ANGPT1: variants seen among roughly 807,000 people sequenced by gnomAD.
ANGPT1 encodes the protein angiopoietin-1.
Under a neutral mutation model 62.2 loss-of-function variants are expected in ANGPT1, and 17 were observed. The ratio of observed to expected loss-of-function variants is 0.27; its 90% CI spans 0.19 to 0.41. ANGPT1 has a LOEUF of 0.41. Among genes scored for constraint, ANGPT1 ranks in the 10% least tolerant of loss-of-function variants. The pLI, the probability that ANGPT1 is intolerant of heterozygous loss-of-function variation, is 1.00. For synonymous variants in ANGPT1, 199 were observed against 198.9 expected (o/e 1.00, Z 0.00); for missense variants, 478 against 594.9 (o/e 0.80, Z 2.04).
intron 1 of ANGPT1, among the ~76,000 whole-genome samples, chr8:107,493,299 A>G (rs1813012809): frequency 6.6e-6 from 1 of 150,582 alleles, no homozygotes; most frequent in African/African-American, 2.4e-5. Context: ...CAGCATTAAC[A>G]TGATACAGTC....
intron 4 of ANGPT1, among the ~76,000 whole-genome samples, chr8:107,312,874 G>A (rs909514388): frequency 1.3e-5 from 2 of 151,990 alleles, no homozygotes; most frequent in Admixed American, 1.3e-4. Flanking sequence ...CTGCCCTCTC[G>A]ATGGTATACA....
chr8:107,264,403 A>G (rs1813567360), intron 7 of ANGPT1, 52 bp from the exon 8 acceptor site: 1 of 1,580,146 alleles, frequency 6.3e-7, no homozygotes, highest in Non-Finnish European at 8.6e-7. Flanking sequence ...AGAATAACAG[A>G]ACCCAGAAGA....
chr8:107,357,485 G>A (rs1442079869), intron 1 of ANGPT1, among the ~76,000 whole-genome samples: 1 of 152,104 alleles, frequency 6.6e-6, no homozygotes, highest in Non-Finnish European at 1.5e-5. Context: ...CACTTAAAAA[G>A]AGAAAGATTT....
Position 107,336,143 on chromosome 8 carries a change from T to C in ANGPT1, c.575+7A>G. On this transcript the variant is annotated splice_region_variant and intron_variant, in intron 3 of 8. Transcript: ENST00000517746. Reference sequence around the variant, plus strand: ...CAGAAACATTTTTGGAATAAAGCAATCCTCACCTGTTTTTTTCATGGATCT... The same window carrying C: ...CAGAAACATTTTTGGAATAAAGCAACCCTCACCTGTTTTTTTCATGGATCT... 6.3e-7 allele frequency: 1 copy of C among 1,598,804 alleles called. No individual in the cohort carries two copies. The highest frequency in any genetic ancestry group is 1.1e-5 in the South Asian group (1 of 87,700).
intron 1 of ANGPT1, among the ~76,000 whole-genome samples, chr8:107,430,092 T>G (rs1467551829): frequency 6.6e-6 from 1 of 152,180 alleles, no homozygotes; most frequent in Non-Finnish European, 1.5e-5. Flanking sequence ...GTGTGCTTTT[T>G]TTGTTTGTGT....
chr8:107,271,452 T>G lies in ANGPT1; in HGVS notation c.1206-7101A>C, dbSNP rs75203058. On this transcript the variant is annotated intron_variant, in intron 7 of 8. Transcript: ENST00000517746. Reference sequence around the variant, plus strand: ...ATTACGGGAATGACTAAGGCTAAATTACACAGGTATAAACATATGACCTTG... The same window carrying G: ...ATTACGGGAATGACTAAGGCTAAATGACACAGGTATAAACATATGACCTTG... 4.7e-4 allele frequency among the ~76,000 whole-genome samples: 72 copies of G among 152,154 alleles called. No individual in the cohort carries two copies. The East Asian group carries it at 5.2e-3, about 11-fold the overall frequency.
intron 4 of ANGPT1, among the ~76,000 whole-genome samples, chr8:107,319,056 A>G (rs930518257): frequency 2.6e-5 from 4 of 152,214 alleles, no homozygotes; most frequent in African/African-American, 9.6e-5. Flanking sequence ...TATAAAGCAC[A>G]TAATGAATGT....
At chr8:107,342,932 G>A (rs1474066167) in intron 2 of ANGPT1, among the ~76,000 whole-genome samples, 2 of 151,290 alleles carry the variant, frequency 1.3e-5, no homozygotes, top group Non-Finnish European at 2.9e-5. Flanking sequence ...AACTTCCTAG[G>A]TTCAAGGGAT....
chr8:107,319,075 G>C (rs1395711920), intron 4 of ANGPT1, among the ~76,000 whole-genome samples: 1 of 152,174 alleles, frequency 6.6e-6, no homozygotes, highest in African/African-American at 2.4e-5. Context: ...GTACTTAACT[G>C]AATCTTGTCC....
At chr8:107,311,010 T>C (rs923777262) in intron 4 of ANGPT1, among the ~76,000 whole-genome samples, 2 of 151,168 alleles carry the variant, frequency 1.3e-5, no homozygotes, top group Non-Finnish European at 3.0e-5. Context: ...TGACTGTGTG[T>C]ATGTATGTGA....
chr8:107,484,577 T>C (rs1812770226), intron 1 of ANGPT1, among the ~76,000 whole-genome samples: 1 of 151,956 alleles, frequency 6.6e-6, no homozygotes, highest in Admixed American at 6.6e-5. Context: ...GGCTAATTCT[T>C]GTATATTATT....
intron 7 of ANGPT1, among the ~76,000 whole-genome samples, chr8:107,267,370 T>C (rs1813637889): frequency 6.6e-6 from 1 of 152,126 alleles, no homozygotes; most frequent in Non-Finnish European, 1.5e-5. Context: ...TCTATATGTG[T>C]GCTGGTATAG....
intron 3 of ANGPT1, among the ~76,000 whole-genome samples, chr8:107,328,544 C>T (rs566427218): frequency 4.0e-4 from 61 of 151,694 alleles, no homozygotes; most frequent in Non-Finnish European, 7.7e-4. Flanking sequence ...AAATAATAAA[C>T]TAGAGAAAAT....
chr8:107,275,384 T>C (rs1163693526), intron 7 of ANGPT1, among the ~76,000 whole-genome samples: 1 of 152,118 alleles, frequency 6.6e-6, no homozygotes, highest in Non-Finnish European at 1.5e-5. Context: ...GAGTCTCACT[T>C]CTGAGCTAAT....
At chr8:107,431,746 T>A (rs916248112) in intron 1 of ANGPT1, among the ~76,000 whole-genome samples, 3 of 145,776 alleles carry the variant, frequency 2.1e-5, no homozygotes, top group African/African-American at 7.7e-5. Flanking sequence ...TTTTTTTTTT[T>A]ATCATCAAAG....
chr8:107,372,254 A>T (rs1369981851), intron 1 of ANGPT1, among the ~76,000 whole-genome samples: 1 of 152,126 alleles, frequency 6.6e-6, no homozygotes, highest in Non-Finnish European at 1.5e-5. Context: ...ACTGTCTTCA[A>T]ATATTGCCAA....
Position 107,483,604 on chromosome 8 carries a change from A to T in ANGPT1, c.297+13658T>A, listed in dbSNP as rs558991021. Among the ~76,000 whole-genome samples, 22 of 151,348 alleles carry T rather than the reference A, an allele frequency of 1.5e-4. No homozygotes were observed. The South Asian group carries it at 4.7e-3, about 32-fold the overall frequency. On this transcript the variant is annotated intron_variant, in intron 1 of 8. Coordinates refer to ENST00000517746, the MANE Select transcript of ANGPT1 (RefSeq NM_001146.5). ...AAAAAATTCAAAACATATATGGCAT[A>T]AGGTCTTTTAAGTGATGACTCTTCC...
At chr8:107,455,078 T>C (rs1811882407) in intron 1 of ANGPT1, among the ~76,000 whole-genome samples, 1 of 152,022 alleles carries the variant, frequency 6.6e-6, no homozygotes, top group Non-Finnish European at 1.5e-5. Flanking sequence ...AGCTCCCAGA[T>C]GCTACCTTAC....
chr8:107,262,049 G>T (rs1044954288), intron 8 of ANGPT1, among the ~76,000 whole-genome samples: 4 of 152,028 alleles, frequency 2.6e-5, no homozygotes, highest in African/African-American at 9.7e-5. Flanking sequence ...ACAAAAATTA[G>T]CCAGGCATGG....
Sources: allele counts gnomAD v4.1 joint callset (sites outside exome capture counted in the v4.1 genomes callset), GRCh38; gene constraint gnomAD v4.1.1; transcripts MANE v1.5; gene names NCBI Gene and HGNC (gene_info 2026-07-23, HGNC 2026-07-21).